Variants in DNMT1 observed in about 807,000 individuals in gnomAD.
DNMT1 encodes the protein DNA methyltransferase 1, also known as DNA (cytosine-5)-methyltransferase 1.
DNMT1 carries 24 observed loss-of-function variants against 205.3 expected under a neutral mutation model. That is an observed-to-expected ratio of 0.12 (90% CI 0.08 to 0.16). DNMT1 has a LOEUF of 0.16. Among genes scored for constraint, DNMT1 ranks in the 10% least tolerant of loss-of-function variants. The pLI, the probability that DNMT1 is intolerant of heterozygous loss-of-function variation, is 1.00. For missense variants in DNMT1, 1,293 were observed against 2,177.7 expected, an observed-to-expected ratio of 0.59 and a Z score of 8.09; for synonymous variants, 817 against 839.8, an observed-to-expected ratio of 0.97 and a Z score of 0.47.
chr19:10,160,422 C>T lies in DNMT1; in HGVS notation c.1009-4G>A. 1 of 1,614,006 alleles carries T rather than the reference C, an allele frequency of 6.2e-7. No individual in the cohort carries two copies. The highest frequency in any genetic ancestry group is 8.5e-7 in the Non-Finnish European group (1 of 1,179,954). On this transcript the variant is annotated splice_polypyrimidine_tract_variant and splice_region_variant and intron_variant, in intron 13 of 40. Transcript: ENST00000359526. ...TCGTTTTGCGTCTCTTCTCCTCCTACACAGGGAAAACAAAAGAGGATTAAA... is the reference window on the plus strand; with the variant it reads ...TCGTTTTGCGTCTCTTCTCCTCCTATACAGGGAAAACAAAAGAGGATTAAA...
At chr19:10,142,823 AG>A (rs1278922972) in intron 29 of DNMT1, 1 of 160,324 alleles carries the variant, frequency 6.2e-6, no homozygotes, top group Non-Finnish European at 1.4e-5. Flanking sequence ...CCCAACCATT[AG>A]GTCAGCTTGG....
intron 7 of DNMT1, among the ~76,000 whole-genome samples, chr19:10,174,413 CAAAGAAAAGA>C (rs199940699): frequency 1.3e-5 from 2 of 151,586 alleles, no homozygotes; most frequent in Non-Finnish European, 2.9e-5. Context: ...AGACCTGTCT[CAAAGAAAAGA>C]AAAGAAAAGA....
At chr19:10,134,092 G>C in intron 40 of DNMT1, 125 bp downstream of exon 40, 1 of 934,920 alleles carries the variant, frequency 1.1e-6, no homozygotes, top group Non-Finnish European at 1.7e-6. Context: ...GAAAGATGGG[G>C]CCACGAACGT....
intron 12 of DNMT1, 52 bp from the exon 13 acceptor site, chr19:10,162,800 A>G (rs762524636): frequency 1.9e-6 from 3 of 1,589,088 alleles, no homozygotes; most frequent in South Asian, 2.2e-5. Context: ...CACTAACCAC[A>G]TCGCCAACTC....
chr19:10,166,900 G>A (rs996436849), intron 10 of DNMT1, among the ~76,000 whole-genome samples: 35 of 152,238 alleles, frequency 2.3e-4, no homozygotes, highest in African/African-American at 8.0e-4. Flanking sequence ...ATGTTGGTCA[G>A]AGATGCCAGT....
At chr19:10,188,874 A>C (rs1365062186) in intron 1 of DNMT1, among the ~76,000 whole-genome samples, 1 of 152,204 alleles carries the variant, frequency 6.6e-6, no homozygotes, top group Non-Finnish European at 1.5e-5. Flanking sequence ...GTTTAGAACC[A>C]GTGAAGAAAA....
chr19:10,156,366 A>G lies in DNMT1; in HGVS notation c.1399+25T>C. Reference sequence around the variant, plus strand: ...CTGGCTGTTTTTAAAGTGTGCCCCAAACATAATCCCGGACTATTCCTTACC... The same window carrying G: ...CTGGCTGTTTTTAAAGTGTGCCCCAGACATAATCCCGGACTATTCCTTACC... On this transcript the variant is annotated intron_variant, in intron 18 of 40. Transcript: ENST00000359526. The surrounding 1 kb of genome is among the most constrained non-coding windows in gnomAD (Gnocchi z 4.2). 4 of 1,582,284 alleles carry G rather than the reference A, an allele frequency of 2.5e-6. No individual in the cohort carries two copies. The highest frequency in any genetic ancestry group is 2.2e-5 in the South Asian group (2 of 90,334).
At chr19:10,147,751 GC>G (rs2038229513) in intron 27 of DNMT1, among the ~76,000 whole-genome samples, 1 of 152,146 alleles carries the variant, frequency 6.6e-6, no homozygotes, top group African/African-American at 2.4e-5. Context: ...GGGGGTGCTG[GC>G]TGCTGCTTTT....
chr19:10,193,616 G>A (rs2039343411), intron 1 of DNMT1, among the ~76,000 whole-genome samples: 2 of 145,034 alleles, frequency 1.4e-5, no homozygotes, highest in South Asian at 4.3e-4. Context: ...GTCCGCCACT[G>A]CCTCCCAAAT....
chr19:10,151,040 A>G lies in DNMT1; in HGVS notation c.2265+358T>C, dbSNP rs1253173414. Among the ~76,000 whole-genome samples, 1 of 152,190 alleles carries G rather than the reference A, an allele frequency of 6.6e-6. No individual in the cohort carries two copies. The highest frequency in any genetic ancestry group is 1.5e-5 in the Non-Finnish European group (1 of 68,038). On this transcript the variant is annotated intron_variant, in intron 24 of 40. Transcript: ENST00000359526. The surrounding 1 kb of genome is among the most constrained non-coding windows in gnomAD (Gnocchi z 5.0). ...AACCTGGGAGGCAGAGGTTGCAGCG[A>G]GCTGAGATCGTGCCACTGCACTCCA...
intron 1 of DNMT1, among the ~76,000 whole-genome samples, chr19:10,183,125 A>ATATATACGTGTGTATATATATATAT (rs767124770): frequency 5.1e-5 from 6 of 117,486 alleles, no homozygotes; most frequent in Admixed American, 3.9e-4. Context: ...ATATATATAT[A>ATATATACGTGTGTATATATATATAT]TTTTTTTTTT....
intron 5 of DNMT1, among the ~76,000 whole-genome samples, chr19:10,179,579 T>C (rs143902083): frequency 1.3e-5 from 2 of 152,108 alleles, no homozygotes; most frequent in African/African-American, 4.8e-5. Context: ...AGTTAGGAAG[T>C]GTCCAGTAAT....
At chr19:10,148,309 A>G (rs1026355672) in intron 27 of DNMT1, among the ~76,000 whole-genome samples, 2 of 150,852 alleles carry the variant, frequency 1.3e-5, no homozygotes, top group African/African-American at 2.4e-5. Flanking sequence ...ATCCTGGCTA[A>G]CACAGTGAAA....
rs557455585 is a variant in DNMT1 at position 10,153,929 on chromosome 19, C to T, written c.2019+364G>A. 5.3e-5 allele frequency among the ~76,000 whole-genome samples: 8 copies of T among 152,304 alleles called. No individual in the cohort carries two copies. The South Asian group carries it at 1.7e-3, about 32-fold the overall frequency. ...AAAAACTCACAGAAAGGGACGCCTCCTGAGGGCCTCAAATCTAAGCTGGAC... is the reference window on the plus strand; with the variant it reads ...AAAAACTCACAGAAAGGGACGCCTCTTGAGGGCCTCAAATCTAAGCTGGAC... On this transcript the variant is annotated intron_variant, in intron 22 of 40. Coordinates refer to ENST00000359526, the MANE Select transcript of DNMT1 (RefSeq NM_001130823.3).
chr19:10,141,018 C>G (rs1173313004), intron 31 of DNMT1, 87 bp downstream of exon 31: 4 of 1,612,926 alleles, frequency 2.5e-6, no homozygotes, highest in African/African-American at 1.3e-5. Flanking sequence ...GTCAGTAACA[C>G]CAGAGGTGGT....
chr19:10,144,353 A>C, intron 28 of DNMT1: 1 of 339,670 alleles, frequency 2.9e-6, no homozygotes, highest in Non-Finnish European at 5.8e-6. Context: ...GGTTGCAGTG[A>C]GCTGAGATTG....
Position 10,185,855 on chromosome 19 carries a change from A to G in DNMT1, c.81-3778T>C, listed in dbSNP as rs571284022. On this transcript the variant is annotated intron_variant, in intron 1 of 40. Transcript: ENST00000359526. ...CCCTGTCTCAAAAGAAAAAAAAAAA[A>G]AAAAAAAGATGCTTTGACATCAGGA... 4.6e-4 allele frequency among the ~76,000 whole-genome samples: 69 copies of G among 151,458 alleles called. 1 individual carries two copies. The highest frequency in any genetic ancestry group is 1.9e-4 in the Non-Finnish European group (13 of 67,968).
At chr19:10,184,732 C>T (rs936396803) in intron 1 of DNMT1, among the ~76,000 whole-genome samples, 3 of 152,186 alleles carry the variant, frequency 2.0e-5, no homozygotes, top group Non-Finnish European at 4.4e-5. Context: ...TGGGTGCTAA[C>T]TACAGACTGC....
intron 8 of DNMT1, 65 bp downstream of exon 8, chr19:10,173,803 GAAA>G (rs902320554): frequency 2.5e-6 from 4 of 1,581,754 alleles, no homozygotes; most frequent in Non-Finnish European, 3.5e-6. Context: ...TAAACTTTCT[GAAA>G]AAGTTTTGTG....
Sources: gnomAD v4.1 joint callset for allele counts (sites outside exome capture counted in the v4.1 genomes callset) on GRCh38, gnomAD v4.1.1 for gene constraint, Gnocchi (gnomAD v3.1) non-coding constraint, MANE v1.5 for transcripts, NCBI Gene and HGNC (gene_info 2026-07-23, HGNC 2026-07-21) for gene names.